PARD3: variants seen among roughly 807,000 people sequenced by gnomAD.
PARD3 encodes par-3 family cell polarity regulator, also known as partitioning defective 3 homolog.
In PARD3, 75 loss-of-function variants were observed where a neutral mutation model predicts 155.4. The ratio of observed to expected loss-of-function variants is 0.48; its 90% CI spans 0.40 to 0.58. The LOEUF (loss-of-function observed/expected upper bound fraction) is 0.58, where lower values mean the gene tolerates loss of function less well. PARD3 is among the 20% of genes least tolerant of loss of function. The pLI is 0.00. For missense variants in PARD3, 1,642 were observed against 1,721.7 expected, an observed-to-expected ratio of 0.95 and a Z score of 0.82; for synonymous variants, 576 against 610.5, an observed-to-expected ratio of 0.94 and a Z score of 0.83.
chr10:34,543,677 C>G (rs1229193123), intron 2 of PARD3, among the ~76,000 whole-genome samples: 1 of 152,200 alleles, frequency 6.6e-6, no homozygotes, highest in Non-Finnish European at 1.5e-5. Flanking sequence ...TTTTAAATCA[C>G]AGTCTAAATG....
At chr10:34,333,637 C>A (rs1835848549) in intron 18 of PARD3, among the ~76,000 whole-genome samples, 1 of 151,998 alleles carries the variant, frequency 6.6e-6, no homozygotes, top group African/African-American at 2.4e-5. Context: ...TAACACAGAT[C>A]AGCAAACTGT....
intron 22 of PARD3, among the ~76,000 whole-genome samples, chr10:34,262,741 T>C (rs1955091055): frequency 6.6e-6 from 1 of 152,198 alleles, no homozygotes; most frequent in Non-Finnish European, 1.5e-5. Flanking sequence ...CATGAGGAAC[T>C]TCAAAGAATT....
chr10:34,548,344 C>CAA (rs900361678), intron 2 of PARD3, among the ~76,000 whole-genome samples: 2 of 151,208 alleles, frequency 1.3e-5, no homozygotes, highest in African/African-American at 2.4e-5. Flanking sequence ...CACACACACA[C>CAA]AAAAAAAAGC....
At chr10:34,320,831 C>G (rs1374134089) in intron 19 of PARD3, among the ~76,000 whole-genome samples, 1 of 152,132 alleles carries the variant, frequency 6.6e-6, no homozygotes, top group Non-Finnish European at 1.5e-5. Context: ...TATGCTTGTT[C>G]TGAACATTCT....
intron 22 of PARD3, among the ~76,000 whole-genome samples, chr10:34,252,233 G>C (rs1487707106): frequency 6.6e-6 from 1 of 152,144 alleles, no homozygotes; most frequent in Non-Finnish European, 1.5e-5. Context: ...TTTGGGGACA[G>C]AGCCAGGCCC....
At chr10:34,725,296 A>C (rs2133768943) in intron 1 of PARD3, among the ~76,000 whole-genome samples, 1 of 152,004 alleles carries the variant, frequency 6.6e-6, no homozygotes, top group South Asian at 2.1e-4. Flanking sequence ...GGGGTTACAG[A>C]TGCCTGCCAC....
chr10:34,488,501 CT>C lies in PARD3; in HGVS notation c.404-18239del, dbSNP rs112543476. On this transcript the variant is annotated intron_variant, in intron 3 of 24. Transcript: ENST00000374788. ...AATGAATCTTCATGGTACTAAAACC[CT>C]TTTTTTTTTGCCCCCGACATCTAAA... is the stretch of plus-strand genomic sequence containing the variant. The C allele has an allele frequency of 1.7e-3, 256 of 146,722 alleles. 1 individual carries two copies. The highest frequency in any genetic ancestry group is 5.6e-3 in the African/African-American group (223 of 40,180). The allele number at this position is 146,722 out of a possible 1,614,324, so 9.1% of individuals were successfully genotyped here. A position where few individuals can be genotyped will look rare whatever the true frequency, so the allele number is the denominator to read the frequency against.
chr10:34,135,626 C>T (rs1373701560), intron 22 of PARD3, among the ~76,000 whole-genome samples: 2 of 152,160 alleles, frequency 1.3e-5, no homozygotes, highest in East Asian at 3.9e-4. Context: ...GAGCAATGAG[C>T]CTATCTGCAG....
In PARD3 at chr10:34,119,672, C is replaced by T. The variant is rs1946876908; in HGVS notation, c.3609G>A (p.Gln1203=). The change falls in exon 24 of 25, where the codon CAG becomes CAA. Residue 1203 remains glutamine (Q), a synonymous_variant. Coordinates refer to ENST00000374788, the MANE Select transcript of PARD3 (RefSeq NM_001184785.2). ...GGGAGCTCTCGCGCTCCTCCTGCCGCTGCCGCTGCATCTGCACCTCCACGG... is the reference window on the plus strand; with the variant it reads ...GGGAGCTCTCGCGCTCCTCCTGCCGTTGCCGCTGCATCTGCACCTCCACGG... ...SVSVEVQMQR[Q]RQEERESSQQ... 5 of 1,612,390 alleles carry T rather than the reference C, an allele frequency of 3.1e-6. No homozygotes were observed. The highest frequency in any genetic ancestry group is 1.7e-6 in the Non-Finnish European group (2 of 1,179,540).
At chr10:34,120,486 T>C (rs1463748359) in intron 23 of PARD3, among the ~76,000 whole-genome samples, 2 of 152,010 alleles carry the variant, frequency 1.3e-5, no homozygotes, top group African/African-American at 4.8e-5. Context: ...AGTCCAGGAG[T>C]GCACACCTGT....
intron 24 of PARD3, among the ~76,000 whole-genome samples, chr10:34,114,605 A>G (rs945305458): frequency 6.6e-6 from 1 of 152,152 alleles, no homozygotes; most frequent in Non-Finnish European, 1.5e-5. Context: ...TCAGCCTCCC[A>G]TAGTCCTGGG....
intron 22 of PARD3, among the ~76,000 whole-genome samples, chr10:34,198,171 G>A (rs1268045380): frequency 6.6e-6 from 1 of 152,256 alleles, no homozygotes; most frequent in East Asian, 1.9e-4. Context: ...CAAGCAAATA[G>A]ATACTTTCTA....
At chr10:34,732,483 C>CA (rs1386656117) in intron 1 of PARD3, among the ~76,000 whole-genome samples, 1 of 152,062 alleles carries the variant, frequency 6.6e-6, no homozygotes, top group Non-Finnish European at 1.5e-5. Flanking sequence ...AGCTTGAGAC[C>CA]AGGAGTTTGA....
chr10:34,242,948 A>G (rs1953703940), intron 22 of PARD3, among the ~76,000 whole-genome samples: 2 of 152,168 alleles, frequency 1.3e-5, no homozygotes, highest in African/African-American at 4.8e-5. Flanking sequence ...AAATGATAAT[A>G]ACCATAATTT....
intron 2 of PARD3, among the ~76,000 whole-genome samples, chr10:34,687,747 T>C (rs1055290596): frequency 2.0e-5 from 3 of 150,452 alleles, no homozygotes; most frequent in African/African-American, 7.3e-5. Context: ...GATGACAACA[T>C]GGGGAAGAGG....
At chr10:34,139,341 A>T (rs929151717) in intron 22 of PARD3, among the ~76,000 whole-genome samples, 1 of 152,210 alleles carries the variant, frequency 6.6e-6, no homozygotes, top group African/African-American at 2.4e-5. Flanking sequence ...AGAAAAATTT[A>T]TCTCTTTACT....
At chr10:34,337,477 A>T in intron 16 of PARD3, 51 bp from the exon 17 acceptor site, 1 of 1,314,500 alleles carries the variant, frequency 7.6e-7, no homozygotes, top group Non-Finnish European at 1.0e-6. Context: ...AATAGCACGC[A>T]TCCATTTTAG....
At chr10:34,231,010 G>C (rs1328071419) in intron 22 of PARD3, among the ~76,000 whole-genome samples, 2 of 151,958 alleles carry the variant, frequency 1.3e-5, no homozygotes, top group African/African-American at 4.8e-5. Flanking sequence ...CTGGGTGACA[G>C]AGCGAGACCC....
chr10:34,543,195 T>C (rs940609872), intron 2 of PARD3, among the ~76,000 whole-genome samples: 2 of 151,750 alleles, frequency 1.3e-5, no homozygotes, highest in Non-Finnish European at 2.9e-5. Context: ...CCCTGGAGCC[T>C]AGAAGGTTGA....
Sources: allele counts gnomAD v4.1 joint callset (sites outside exome capture counted in the v4.1 genomes callset), GRCh38; gene constraint gnomAD v4.1.1; transcripts MANE v1.5; gene names NCBI Gene and HGNC (gene_info 2026-07-23, HGNC 2026-07-21).